The following SDK1 variants were observed in gnomAD, a reference collection of about 807,000 sequenced individuals.
The protein encoded by SDK1 is sidekick cell adhesion molecule 1.
A neutral mutation model predicts 245.5 loss-of-function variants in SDK1; 157 were observed. The observed-to-expected ratio is 0.64, with a 90% CI of 0.56 to 0.73. The LOEUF is 0.73. SDK1 is among the 30% of genes least tolerant of loss of function. The pLI, the probability that SDK1 is intolerant of heterozygous loss-of-function variation, is 0.00. For synonymous variants in SDK1, 1,647 were observed against 1,278.5 expected, an observed-to-expected ratio of 1.29 and a Z score of -6.15; for missense variants, 3,583 against 3,002.3, an observed-to-expected ratio of 1.19 and a Z score of -4.52.
intron 1 of SDK1, among the ~76,000 whole-genome samples, chr7:3,318,453 T>G (rs996815260): frequency 1.3e-5 from 2 of 152,228 alleles, no homozygotes; most frequent in African/African-American, 4.8e-5. Context: ...TGTAAAGTAT[T>G]TAGCACAGTG....
chr7:3,904,239 A>G (rs981650969), intron 5 of SDK1, among the ~76,000 whole-genome samples: 1 of 152,214 alleles, frequency 6.6e-6, no homozygotes, highest in Admixed American at 6.5e-5. Context: ...AAATACACAA[A>G]TCTATAGAGA....
intron 22 of SDK1, among the ~76,000 whole-genome samples, chr7:4,095,136 A>G (rs1476546244): frequency 6.8e-6 from 1 of 147,952 alleles, no homozygotes; most frequent in African/African-American, 2.5e-5. Context: ...CACCTCCCCC[A>G]CATCTGAGCT....
At chr7:3,505,605 A>G (rs1241304705) in intron 1 of SDK1, among the ~76,000 whole-genome samples, 7 of 152,198 alleles carry the variant, frequency 4.6e-5, no homozygotes, top group Non-Finnish European at 7.3e-5. Context: ...TTAAAATAGT[A>G]TATAGTTGGC....
At chr7:4,002,286 C>T (rs942492979) in intron 14 of SDK1, among the ~76,000 whole-genome samples, 6 of 152,178 alleles carry the variant, frequency 3.9e-5, no homozygotes, top group African/African-American at 1.2e-4. Flanking sequence ...GAGTGGGTTC[C>T]GAAGCCTCAC....
chr7:4,145,946 C>G (rs577946778), intron 29 of SDK1, 30 bp downstream of exon 29: 3 of 1,565,230 alleles, frequency 1.9e-6, no homozygotes, highest in Admixed American at 1.9e-5. Context: ...GGGGGTACTG[C>G]AGATGTTGTG....
At position 3,929,945 on chromosome 7, in the gene SDK1, G is replaced by A. The variant is rs150410623; in HGVS notation, c.848-20978G>A. On this transcript the variant is annotated intron_variant, in intron 5 of 44. Coordinates refer to ENST00000404826, the MANE Select transcript of SDK1 (RefSeq NM_152744.4). ...ATGATGGGAGGTGAGGGGAGCCGGC[G>A]TGTCACGTTCCTGAAAGCATGGTGT... 3.0e-4 allele frequency among the ~76,000 whole-genome samples: 46 copies of A among 152,224 alleles called. 2 individuals carry two copies. The East Asian group carries it at 7.0e-3, about 23-fold the overall frequency.
chr7:3,642,870 C>T lies in SDK1; in HGVS notation c.713+765C>T, dbSNP rs188819791. The T allele has an allele frequency of 7.9e-3, 1,205 of 152,322 alleles. 2 individuals are homozygous for T. Among genetic ancestry groups the T allele is most frequent in the Non-Finnish European group, 0.014 (941 of 68,030 alleles). 9.4% of individuals were successfully genotyped at this position (152,322 alleles called of 1,614,324 possible). On this transcript the variant is annotated intron_variant, in intron 4 of 44. Transcript: ENST00000404826. ...CAGAAGAATCATGAAATGCTATAAG[C>T]TTAGGCCAGAAGTCAGATATTTATG...
At chr7:3,878,640 C>G (rs534395629) in intron 5 of SDK1, among the ~76,000 whole-genome samples, 1 of 152,196 alleles carries the variant, frequency 6.6e-6, no homozygotes, top group South Asian at 2.1e-4. Flanking sequence ...TAAATATCAT[C>G]TCATATAATC....
At chr7:4,177,658 G>A (rs1329919124) in intron 34 of SDK1, among the ~76,000 whole-genome samples, 1 of 152,224 alleles carries the variant, frequency 6.6e-6, no homozygotes, top group Non-Finnish European at 1.5e-5. Context: ...TGACACCAGG[G>A]GTGGGTTTTG....
intron 3 of SDK1, among the ~76,000 whole-genome samples, chr7:3,639,359 A>T (rs569720625): frequency 1.3e-5 from 2 of 152,286 alleles, no homozygotes; most frequent in South Asian, 4.2e-4. Flanking sequence ...CCTGGGGAGG[A>T]CGAAAAAGTG....
At chr7:3,847,172 G>A (rs192773918) in intron 5 of SDK1, among the ~76,000 whole-genome samples, 173 of 152,004 alleles carry the variant, frequency 1.1e-3, no homozygotes, top group African/African-American at 4.0e-3. Context: ...CTGCCTTTGC[G>A]ATTTCAACCT....
intron 4 of SDK1, among the ~76,000 whole-genome samples, chr7:3,765,505 G>T (rs1780229074): frequency 6.6e-6 from 1 of 152,116 alleles, no homozygotes; most frequent in South Asian, 2.1e-4. Flanking sequence ...TGAATGGTTT[G>T]TTTTCTTTCC....
intron 2 of SDK1, among the ~76,000 whole-genome samples, chr7:3,635,199 A>G (rs1002373340): frequency 1.3e-5 from 2 of 152,168 alleles, no homozygotes; most frequent in Non-Finnish European, 2.9e-5. Flanking sequence ...ATTGTATTCA[A>G]TAATTAATTT....
intron 5 of SDK1, among the ~76,000 whole-genome samples, chr7:3,870,805 A>G (rs1310834466): frequency 6.6e-6 from 1 of 152,178 alleles, no homozygotes; most frequent in Non-Finnish European, 1.5e-5. Context: ...TGTCTGTTGC[A>G]GTATCCACTC....
intron 13 of SDK1, among the ~76,000 whole-genome samples, chr7:3,980,042 TC>T (rs997230266): frequency 1.3e-5 from 2 of 152,066 alleles, no homozygotes; most frequent in African/African-American, 4.8e-5. Context: ...TAATACTGTT[TC>T]CCCCAGAGTT....
rs201896234 is a variant in SDK1 at position 3,958,964 on chromosome 7, G to A, written c.1184G>A (p.Arg395Gln). The change falls in exon 8 of 45, where the codon CGG becomes CAG. Residue 395 changes from arginine (R) to glutamine (Q), a missense_variant. Transcript: ENST00000404826. ...TATTTTACTGCTGAGCCCGAGAGTC[G>A]GATTTCAGCTGAAGTAGAAGAAACT... ...PPYFTAEPES[R>Q]ISAEVEETVD... is the part of the protein sequence containing the mutation. 2.3e-5 allele frequency: 37 copies of A among 1,613,874 alleles called. No individual in the cohort carries two copies. The Middle Eastern group carries it at 1.5e-3, about 65-fold the overall frequency.
At chr7:3,736,105 T>C (rs1439303042) in intron 4 of SDK1, among the ~76,000 whole-genome samples, 3 of 152,218 alleles carry the variant, frequency 2.0e-5, no homozygotes, top group African/African-American at 7.2e-5. Context: ...ATAAAATATA[T>C]AATTTGCCAG....
At chr7:3,338,781 G>A (rs563044642) in intron 1 of SDK1, among the ~76,000 whole-genome samples, 2 of 152,266 alleles carry the variant, frequency 1.3e-5, no homozygotes, top group African/African-American at 4.8e-5. Context: ...GGTAGAGTGT[G>A]ATAAGTTACA....
At chr7:3,943,805 A>G (rs1164068845) in intron 5 of SDK1, among the ~76,000 whole-genome samples, 1 of 152,118 alleles carries the variant, frequency 6.6e-6, no homozygotes. Context: ...AGCCTCTTCT[A>G]TGAGTAAAGA....
Sources: gnomAD v4.1 joint callset for allele counts (sites outside exome capture counted in the v4.1 genomes callset) on GRCh38, gnomAD v4.1.1 for gene constraint, MANE v1.5 for transcripts, NCBI Gene and HGNC (gene_info 2026-07-23, HGNC 2026-07-21) for gene names.